FAM13A: variants seen among roughly 807,000 people sequenced by gnomAD.
FAM13A encodes family with sequence similarity 13 member A.
Under a neutral mutation model 129.6 loss-of-function variants are expected in FAM13A, and 76 were observed. The observed-to-expected ratio is 0.59, with a 90% CI of 0.49 to 0.71. FAM13A has a LOEUF of 0.71. Among genes scored for constraint, FAM13A ranks in the 30% least tolerant of loss-of-function variants. The pLI is 0.00. For synonymous variants in FAM13A, 443 were observed against 449.9 expected, an observed-to-expected ratio of 0.98 and a Z score of 0.20; for missense variants, 1,108 against 1,249.3, an observed-to-expected ratio of 0.89 and a Z score of 1.70.
chr4:89,033,792 T>C (rs1194388913), intron 1 of FAM13A, among the ~76,000 whole-genome samples: 2 of 152,208 alleles, frequency 1.3e-5, no homozygotes, highest in African/African-American at 2.4e-5. Context: ...CTGTTGTACA[T>C]GGTTTAAAAT....
chr4:88,863,299 A>C (rs1739824960), intron 6 of FAM13A, among the ~76,000 whole-genome samples: 1 of 152,136 alleles, frequency 6.6e-6, no homozygotes, highest in Non-Finnish European at 1.5e-5. Flanking sequence ...AAGCGTAAAC[A>C]ATGGGCTTTG....
intron 6 of FAM13A, among the ~76,000 whole-genome samples, chr4:88,881,254 G>C (rs1021225931): frequency 6.6e-6 from 1 of 152,176 alleles, no homozygotes; most frequent in African/African-American, 2.4e-5. Flanking sequence ...ACTTAAGTGG[G>C]GGCTCGTATC....
intron 7 of FAM13A, among the ~76,000 whole-genome samples, chr4:88,826,676 G>A (rs1182876134): frequency 6.6e-6 from 1 of 152,014 alleles, no homozygotes; most frequent in Non-Finnish European, 1.5e-5. Flanking sequence ...AAATATAAGC[G>A]AGTGCCTTTG....
At chr4:88,741,670 C>CA (rs1294323361) in intron 19 of FAM13A, among the ~76,000 whole-genome samples, 8 of 152,094 alleles carry the variant, frequency 5.3e-5, no homozygotes, top group Non-Finnish European at 1.2e-4. Flanking sequence ...TCTGAAAATC[C>CA]AAAATCTGAA....
At chr4:88,738,691 G>A (rs1050276324) in intron 20 of FAM13A, among the ~76,000 whole-genome samples, 1 of 152,206 alleles carries the variant, frequency 6.6e-6, no homozygotes, top group Admixed American at 6.5e-5. Context: ...ACTCTTTGGA[G>A]TGAAGAGGCC....
intron 6 of FAM13A, among the ~76,000 whole-genome samples, chr4:88,861,294 T>C (rs1739444244): frequency 6.8e-6 from 1 of 147,370 alleles, no homozygotes; most frequent in South Asian, 2.1e-4. Flanking sequence ...GGCAGGAAAA[T>C]CGCTTGAATC....
At chr4:88,993,109 C>G (rs1763117817) in intron 3 of FAM13A, among the ~76,000 whole-genome samples, 1 of 152,150 alleles carries the variant, frequency 6.6e-6, no homozygotes, top group Non-Finnish European at 1.5e-5. Flanking sequence ...GGTGAGGAAC[C>G]TGGTTCTGCT....
chr4:88,876,500 A>AT (rs1432805542), intron 6 of FAM13A, among the ~76,000 whole-genome samples: 1 of 152,074 alleles, frequency 6.6e-6, no homozygotes, highest in Non-Finnish European at 1.5e-5. Context: ...GTAAAACAGA[A>AT]TTTTTTTCTT....
intron 6 of FAM13A, among the ~76,000 whole-genome samples, chr4:88,856,316 C>A (rs1261763493): frequency 1.3e-5 from 2 of 151,356 alleles, no homozygotes; most frequent in African/African-American, 4.9e-5. Context: ...CCTGTCTCTA[C>A]AAAATAATTA....
intron 4 of FAM13A, among the ~76,000 whole-genome samples, chr4:88,969,461 G>A (rs2148944490): frequency 6.6e-6 from 1 of 152,270 alleles, no homozygotes; most frequent in South Asian, 2.1e-4. Context: ...TAAACTCATA[G>A]ACAGGTTCAG....
chr4:88,829,793 C>A (rs912498910), intron 7 of FAM13A, among the ~76,000 whole-genome samples: 1 of 152,108 alleles, frequency 6.6e-6, no homozygotes, highest in African/African-American at 2.4e-5. Flanking sequence ...TTATGCTGAG[C>A]TCATTTTAAC....
At chr4:88,812,648 C>G (rs965128986) in intron 7 of FAM13A, among the ~76,000 whole-genome samples, 2 of 152,194 alleles carry the variant, frequency 1.3e-5, no homozygotes, top group Non-Finnish European at 2.9e-5. Context: ...CTTCTTCCTC[C>G]AGGCTTCAAG....
chr4:88,955,834 T>C (rs1162898607), intron 4 of FAM13A, among the ~76,000 whole-genome samples: 8 of 152,158 alleles, frequency 5.3e-5, no homozygotes, highest in Admixed American at 4.6e-4. Flanking sequence ...TTGGAACTTA[T>C]GTTTAAAAGG....
chr4:88,791,415 T>C (rs1725127911), intron 8 of FAM13A, among the ~76,000 whole-genome samples: 1 of 152,138 alleles, frequency 6.6e-6, no homozygotes. Context: ...CCTGCACTTA[T>C]GTTCACATAA....
At chr4:88,745,824 G>A (rs147477001) in intron 19 of FAM13A, among the ~76,000 whole-genome samples, 27 of 151,258 alleles carry the variant, frequency 1.8e-4, no homozygotes, top group African/African-American at 5.8e-4. Context: ...GCAGGGACAG[G>A]CCAGCAGAAG....
intron 4 of FAM13A, among the ~76,000 whole-genome samples, chr4:88,955,340 CAT>C (rs35296905): frequency 0.29 from 44,528 of 151,916 alleles, 6,663 homozygotes; most frequent in East Asian, 0.37. Flanking sequence ...ACTGAATACA[CAT>C]AGTCTGCCAT....
chr4:88,954,457 G>A (rs921932047), intron 4 of FAM13A, among the ~76,000 whole-genome samples: 2 of 152,208 alleles, frequency 1.3e-5, no homozygotes, highest in Non-Finnish European at 2.9e-5. Context: ...CTTCTAAGAT[G>A]CGTAAACCAG....
chr4:89,055,123 G>A (rs1772055383), intron 1 of FAM13A, among the ~76,000 whole-genome samples: 1 of 152,150 alleles, frequency 6.6e-6, no homozygotes, highest in South Asian at 2.1e-4. Context: ...AAGGGCAGAG[G>A]AAAAGCTTTC....
intron 4 of FAM13A, among the ~76,000 whole-genome samples, chr4:88,946,600 T>C (rs902869027): frequency 7.2e-5 from 11 of 152,080 alleles, no homozygotes; most frequent in Admixed American, 7.2e-4. Context: ...TCTTGCTGCA[T>C]ATAGATAAAT....
Sources: gnomAD v4.1 joint callset for allele counts (sites outside exome capture counted in the v4.1 genomes callset) on GRCh38, gnomAD v4.1.1 for gene constraint, MANE v1.5 for transcripts, NCBI Gene and HGNC (gene_info 2026-07-23, HGNC 2026-07-21) for gene names.